SCAPER: variants seen among roughly 807,000 people sequenced by gnomAD.
SCAPER encodes the protein S-phase cyclin A associated protein in the ER.
SCAPER carries 98 observed loss-of-function variants against 182.2 expected under a neutral mutation model. The observed-to-expected ratio is 0.54, with a 90% confidence interval of 0.46 to 0.64. The LOEUF (loss-of-function observed/expected upper bound fraction) is 0.64, where lower values mean the gene tolerates loss of function less well. Ranked by LOEUF, SCAPER falls within the 30% of genes least tolerant of loss-of-function variation. The pLI is 0.00. For synonymous variants in SCAPER, 605 were observed against 564.6 expected (o/e 1.07, Z -1.01); for missense variants, 1,432 against 1,690.0 (o/e 0.85, Z 2.68).
intron 22 of SCAPER, among the ~76,000 whole-genome samples, chr15:76,608,062 A>C (rs2050613037): frequency 6.6e-6 from 1 of 152,094 alleles, no homozygotes; most frequent in African/African-American, 2.4e-5. Flanking sequence ...GCTGGTGAGG[A>C]GTTGCGTTCC....
At chr15:76,842,696 A>G (rs962198151) in intron 4 of SCAPER, among the ~76,000 whole-genome samples, 8 of 152,174 alleles carry the variant, frequency 5.3e-5, no homozygotes, top group African/African-American at 1.2e-4. Flanking sequence ...TCAACTTAAC[A>G]TATCTCTTGA....
intron 8 of SCAPER, among the ~76,000 whole-genome samples, chr15:76,781,590 G>A (rs750001362): frequency 2.6e-5 from 4 of 152,200 alleles, no homozygotes; most frequent in Admixed American, 6.5e-5. Context: ...ATAATTGTCA[G>A]ATTCATCAAG....
intron 17 of SCAPER, among the ~76,000 whole-genome samples, chr15:76,721,297 G>T (rs1387090617): frequency 6.6e-6 from 1 of 151,968 alleles, no homozygotes; most frequent in African/African-American, 2.4e-5. Flanking sequence ...CTCTGTTTTG[G>T]TACCAGTACC....
At chr15:76,507,663 T>C (rs2041704381) in intron 23 of SCAPER, among the ~76,000 whole-genome samples, 1 of 152,218 alleles carries the variant, frequency 6.6e-6, no homozygotes, top group African/African-American at 2.4e-5. Context: ...TGTAATCAAA[T>C]GCTTATCTTA....
intron 21 of SCAPER, 34 bp from the exon 22 acceptor site, chr15:76,621,863 C>T (rs770651353): frequency 2.7e-6 from 4 of 1,476,680 alleles, no homozygotes; most frequent in Non-Finnish European, 3.7e-6. Context: ...ACAGTTATTT[C>T]ACTGCTAATT....
At position 76,600,376 on chromosome 15, in the gene SCAPER, AGTGTGTGTATATGTGTGTGTGTGT is replaced by A. The variant is rs1426957681; in HGVS notation, c.2711+21364_2711+21387del. On this transcript the variant is annotated intron_variant, in intron 22 of 31. Coordinates refer to ENST00000563290, the MANE Select transcript of SCAPER (RefSeq NM_020843.4). ...TAATAGAAAAATAGCATACTTGGAA[AGTGTGTGTATATGTGTGTGTGTGT>A]GTGTGTGTGTGTGTGTGTGTGTGTG... is the stretch of plus-strand genomic sequence containing the variant. 6.6e-5 allele frequency among the ~76,000 whole-genome samples: 5 copies of A among 75,860 alleles called. 2 individuals are homozygous for A. The South Asian group carries it at 1.5e-3, about 23-fold the overall frequency. 49.8% of individuals were successfully genotyped at this position (75,860 alleles called of 152,430 possible).
intron 28 of SCAPER, among the ~76,000 whole-genome samples, chr15:76,378,904 G>A (rs1298038528): frequency 6.6e-6 from 1 of 152,124 alleles, no homozygotes; most frequent in Non-Finnish European, 1.5e-5. Context: ...GTCATCCCAG[G>A]CATCAAACAT....
intron 27 of SCAPER, among the ~76,000 whole-genome samples, chr15:76,401,964 T>C (rs932460759): frequency 1.3e-4 from 20 of 151,980 alleles, no homozygotes; most frequent in Admixed American, 7.2e-4. Flanking sequence ...CCATCTCTAC[T>C]AAAAATACAA....
At position 76,353,935 on chromosome 15, in the gene SCAPER, A is replaced by G. The variant is rs762694566; in HGVS notation, c.4047+14T>C. ...CACACAAAGCTAGACAATTACGTAT[A>G]ATGTAGAAGGTACCTGAATGAAAGT... On this transcript the variant is annotated intron_variant, in intron 30 of 31. Transcript: ENST00000563290. 2 of 1,524,278 alleles carry G rather than the reference A, an allele frequency of 1.3e-6. No individual in the cohort carries two copies. Among genetic ancestry groups the G allele is most frequent in the South Asian group, 2.6e-5 (2 of 77,176 alleles). 94.4% of individuals were successfully genotyped at this position (1,524,278 alleles called of 1,614,324 possible).
At position 76,385,026 on chromosome 15, in the gene SCAPER, CA is replaced by C. The variant is rs1242590422; in HGVS notation, c.3468-3412del. 5 of 152,096 alleles carry C rather than the reference CA, an allele frequency of 3.3e-5. No homozygotes were observed. The South Asian group carries it at 1.0e-3, about 32-fold the overall frequency. The allele number at this position is 152,096 out of a possible 1,614,324, so 9.4% of individuals were successfully genotyped here. On this transcript the variant is annotated intron_variant, in intron 27 of 31. Transcript: ENST00000563290. ...CATTCTGAGATATTTGTAATTTTACCAGATTTTAAGGTGTTTTTGTTAGGTC... is the reference window on the plus strand; with the variant it reads ...CATTCTGAGATATTTGTAATTTTACCGATTTTAAGGTGTTTTTGTTAGGTC...
intron 24 of SCAPER, among the ~76,000 whole-genome samples, chr15:76,494,207 C>T (rs2040274429): frequency 6.6e-6 from 1 of 152,168 alleles, no homozygotes. Flanking sequence ...AAGTTCACTC[C>T]ACATTTGCTG....
intron 20 of SCAPER, among the ~76,000 whole-genome samples, chr15:76,670,188 A>G (rs547985738): frequency 1.3e-5 from 2 of 151,934 alleles, no homozygotes; most frequent in East Asian, 1.9e-4. Context: ...AAATATATAT[A>G]AATAAAAATT....
intron 11 of SCAPER, 92 bp from the exon 12 acceptor site, chr15:76,765,730 GT>G (rs2063072841): frequency 9.7e-7 from 1 of 1,032,498 alleles, no homozygotes; most frequent in Non-Finnish European, 1.5e-6. Flanking sequence ...CCTACCTATT[GT>G]TAATATATTC....
At chr15:76,396,753 T>G (rs1379716782) in intron 27 of SCAPER, among the ~76,000 whole-genome samples, 1 of 152,206 alleles carries the variant, frequency 6.6e-6, no homozygotes, top group Non-Finnish European at 1.5e-5. Context: ...GATCATATCA[T>G]CTGTAAAAAA....
At chr15:76,474,091 G>T (rs536745193) in intron 24 of SCAPER, among the ~76,000 whole-genome samples, 1 of 152,078 alleles carries the variant, frequency 6.6e-6, no homozygotes, top group Non-Finnish European at 1.5e-5. Flanking sequence ...GATTACAGGC[G>T]TGAGCCACCA....
intron 14 of SCAPER, among the ~76,000 whole-genome samples, chr15:76,761,846 T>C (rs898223188): frequency 6.6e-6 from 1 of 152,216 alleles, no homozygotes; most frequent in Non-Finnish European, 1.5e-5. Context: ...ACTGATTTTC[T>C]ACCTGGATAT....
Position 76,523,505 on chromosome 15 carries a change from A to G in SCAPER, c.2839-18531T>C, listed in dbSNP as rs566903213. On this transcript the variant is annotated intron_variant, in intron 23 of 31. Coordinates refer to ENST00000563290, the MANE Select transcript of SCAPER (RefSeq NM_020843.4). ...TTGCTTTGGAAAAATGAGTAATAAT[A>G]TAAATAACTTTTAGGATCCAAATTC... is the stretch of plus-strand genomic sequence containing the variant. Among the ~76,000 whole-genome samples, 51 of 152,230 alleles carry G rather than the reference A, an allele frequency of 3.4e-4. 1 individual carries two copies. The highest frequency in any genetic ancestry group is 6.8e-3 in the Middle Eastern group (2 of 294).
intron 20 of SCAPER, among the ~76,000 whole-genome samples, chr15:76,689,892 T>C (rs2058255934): frequency 1.4e-5 from 2 of 147,294 alleles, no homozygotes; most frequent in Admixed American, 1.4e-4. Context: ...GTATTAGCAA[T>C]AAGATAATGT....
At chr15:76,399,557 G>A (rs545228162) in intron 27 of SCAPER, among the ~76,000 whole-genome samples, 1 of 152,290 alleles carries the variant, frequency 6.6e-6, no homozygotes, top group East Asian at 1.9e-4. Flanking sequence ...CCTTTCATCA[G>A]AGGATCACGA....
Sources: allele counts gnomAD v4.1 joint callset (sites outside exome capture counted in the v4.1 genomes callset), GRCh38; gene constraint gnomAD v4.1.1; transcripts MANE v1.5; gene names NCBI Gene and HGNC (gene_info 2026-07-23, HGNC 2026-07-21).